The following DMD variants were observed in gnomAD, a reference collection of about 807,000 sequenced individuals.
DMD encodes the protein dystrophin, also known as mutant dystrophin.
A neutral mutation model predicts 330.1 loss-of-function variants in DMD; 63 were observed. The ratio of observed to expected loss-of-function variants is 0.19; its 90% confidence interval spans 0.16 to 0.24. The LOEUF is 0.24. DMD is among the 10% of genes least tolerant of loss of function. DMD has a pLI of 1.00. For missense variants in DMD, 3,344 were observed against 2,684.1 expected, an observed-to-expected ratio of 1.25 and a Z score of -5.43; for synonymous variants, 1,223 against 959.8, an observed-to-expected ratio of 1.27 and a Z score of -5.07.
chrX:32,339,721 C>A (rs2097732017), intron 41 of DMD, among the ~76,000 whole-genome samples: 1 of 112,086 alleles, frequency 8.9e-6, no homozygotes. Context: ...TCATTTTAAA[C>A]TCACTCAGCT....
At chrX:32,646,316 T>C (rs2059780525) in intron 9 of DMD, among the ~76,000 whole-genome samples, 1 of 111,208 alleles carries the variant, frequency 9.0e-6, no homozygotes, top group African/African-American at 3.3e-5. Context: ...GGGAGGAGTG[T>C]ACTCCTTGCA....
intron 44 of DMD, among the ~76,000 whole-genome samples, chrX:32,194,640 AAAG>A (rs1219257716): frequency 9.0e-6 from 1 of 111,107 alleles, no homozygotes; most frequent in Admixed American, 9.7e-5. Context: ...ACGTAAATGG[AAAG>A]AAGCACCTAG....
At chrX:33,180,232 A>G (rs1379379515) in intron 1 of DMD, among the ~76,000 whole-genome samples, 1 of 112,291 alleles carries the variant, frequency 8.9e-6, no homozygotes, top group Non-Finnish European at 1.9e-5. Context: ...TCCTGGGATC[A>G]TCATATTTAT....
chrX:33,070,685 A>C (rs769415684), intron 1 of DMD, among the ~76,000 whole-genome samples: 7,590 of 64,486 alleles, frequency 0.12, 430 homozygotes, highest in Non-Finnish European at 0.13. Context: ...ATATATATAT[A>C]TATATATATA....
Position 33,211,163 on chromosome X carries a change from A to G in DMD, c.31+119T>C, listed in dbSNP as rs900926559. ...CATATATATATGCAGTATATATAAC[A>G]TTTATGCTTCTTTGCAAACTACTGT... On this transcript the variant is annotated intron_variant, in intron 1 of 78. Coordinates refer to ENST00000357033, the MANE Select transcript of DMD (RefSeq NM_004006.3). The G allele has an allele frequency of 2.4e-5, 21 of 876,349 alleles. No individual in the cohort carries two copies. In the Admixed American group the frequency reaches 4.5e-4, roughly 19 times the overall value. The allele number at this position is 876,349 out of a possible 1,213,427, so 72.2% of individuals were successfully genotyped here. A position where few individuals can be genotyped will look rare whatever the true frequency, so the allele number is the denominator to read the frequency against.
Position 32,536,264 on chromosome X carries a change from C to CAAAAAAAAAAAAAA in DMD, c.2168+8881_2168+8894dup, listed in dbSNP as rs1191335690. ...TGGCAACAGAGTGAGACTCCGTCTC[C>CAAAAAAAAAAAAAA]AAAAAAAAAAAAAAAAAAAAAAAAC... On this transcript the variant is annotated intron_variant, in intron 17 of 78. Coordinates refer to ENST00000357033, the MANE Select transcript of DMD (RefSeq NM_004006.3). Among the ~76,000 whole-genome samples the CAAAAAAAAAAAAAA allele has an allele frequency of 4.1e-4, 15 of 36,357 alleles. 2 individuals carry two copies. The highest frequency in any genetic ancestry group is 1.7e-3 in the African/African-American group (14 of 8,389). The allele number at this position is 36,357 out of a possible 115,157, so 31.6% of individuals were successfully genotyped here. A position where few individuals can be genotyped will look rare whatever the true frequency, so the allele number is the denominator to read the frequency against.
At chrX:32,439,402 GAGT>G (rs1271019866) in intron 28 of DMD, among the ~76,000 whole-genome samples, 1 of 110,758 alleles carries the variant, frequency 9.0e-6, no homozygotes, top group Non-Finnish European at 1.9e-5. Context: ...TCAAATTTTT[GAGT>G]AGAACAATGT....
chrX:32,147,666 T>C (rs998839712), intron 44 of DMD, among the ~76,000 whole-genome samples: 37 of 111,039 alleles, frequency 3.3e-4, no homozygotes, highest in African/African-American at 1.0e-3. Flanking sequence ...TGTATTTTTG[T>C]ATGTCATATA....
At chrX:33,301,608 T>C (rs931839565) in intron 1 of DMD, among the ~76,000 whole-genome samples, 1 of 111,724 alleles carries the variant, frequency 9.0e-6, no homozygotes, top group Non-Finnish European at 1.9e-5. Context: ...TTGTTCGCAG[T>C]TCTGTAGGCT....
At chrX:32,737,571 T>C (rs1243119517) in intron 7 of DMD, among the ~76,000 whole-genome samples, 1 of 111,445 alleles carries the variant, frequency 9.0e-6, no homozygotes. Context: ...GCATTCCCAT[T>C]AGATAAAACT....
chrX:32,750,438 A>C (rs187312634), intron 7 of DMD, among the ~76,000 whole-genome samples: 1 of 112,081 alleles, frequency 8.9e-6, no homozygotes, highest in Non-Finnish European at 1.9e-5. Flanking sequence ...CAAAATATCT[A>C]TCAGGTATGA....
chrX:32,459,687 T>A (rs1391728001), intron 25 of DMD, among the ~76,000 whole-genome samples: 1 of 111,078 alleles, frequency 9.0e-6, no homozygotes, highest in Non-Finnish European at 1.9e-5. Flanking sequence ...CAGAAATATA[T>A]CTGAAAACAC....
intron 63 of DMD, among the ~76,000 whole-genome samples, chrX:31,241,343 C>CACAATGG (rs2048265595): frequency 9.0e-6 from 1 of 111,293 alleles, no homozygotes; most frequent in Non-Finnish European, 1.9e-5. Flanking sequence ...GCCTCATCTG[C>CACAATGG]ACAATGGAGA....
chrX:32,363,021 A>T lies in DMD; in HGVS notation c.5155-63T>A, dbSNP rs12387861. 0.024 allele frequency: 25,500 copies of T among 1,065,122 alleles called. 388 individuals carry two copies. Among genetic ancestry groups the T allele is most frequent in the African/African-American group, 0.099 (5,336 of 53,950 alleles). The allele number at this position is 1,065,122 out of a possible 1,213,427, so 87.8% of individuals were successfully genotyped here. On this transcript the variant is annotated intron_variant, in intron 36 of 78. Transcript: ENST00000357033. ...TAATTAATGAAGGTCAAGATAGAAA[A>T]AGAGAGCCAAACAGAGCGAGTGAGC...
chrX:31,619,803 C>A (rs1394477271), intron 55 of DMD, among the ~76,000 whole-genome samples: 1 of 111,903 alleles, frequency 8.9e-6, no homozygotes, highest in Non-Finnish European at 1.9e-5. Context: ...GGTTTTAATA[C>A]AATTAACATG....
intron 1 of DMD, among the ~76,000 whole-genome samples, chrX:33,021,371 T>G (rs1187569443): frequency 3.7e-5 from 1 of 27,256 alleles, no homozygotes; most frequent in Admixed American, 3.1e-4. Flanking sequence ...CAAAAGACTA[T>G]TTTTTTAATT....
chrX:31,476,723 T>C (rs1476831647), intron 59 of DMD, among the ~76,000 whole-genome samples: 1 of 111,002 alleles, frequency 9.0e-6, no homozygotes, highest in African/African-American at 3.3e-5. Flanking sequence ...CATTCATCCA[T>C]CCATTAATTC....
intron 44 of DMD, among the ~76,000 whole-genome samples, chrX:32,065,099 G>T (rs1473557058): frequency 2.7e-5 from 3 of 111,180 alleles, no homozygotes; most frequent in Non-Finnish European, 5.7e-5. Context: ...AAAGCAATTA[G>T]AATCACTTCT....
At chrX:32,887,431 G>C (rs2084712456) in intron 2 of DMD, among the ~76,000 whole-genome samples, 1 of 109,550 alleles carries the variant, frequency 9.1e-6, no homozygotes, top group Non-Finnish European at 1.9e-5. Context: ...AGACTTACAG[G>C]TAAAACCTGA....
Sources: allele counts gnomAD v4.1 joint callset (sites outside exome capture counted in the v4.1 genomes callset), GRCh38; gene constraint gnomAD v4.1.1; transcripts MANE v1.5; gene names NCBI Gene and HGNC (gene_info 2026-07-23, HGNC 2026-07-21).